Variants in ANXA3 observed in about 807,000 individuals in gnomAD.
ANXA3 encodes the protein 35-alpha calcimedin.
ANXA3 carries 46 observed loss-of-function variants against 48.8 expected under a neutral mutation model. The ratio of observed to expected loss-of-function variants is 0.94; its 90% CI spans 0.74 to 1.21. The LOEUF (loss-of-function observed/expected upper bound fraction) is 1.21, where lower values mean the gene tolerates loss of function less well. ANXA3 is among the 50% of genes most tolerant of loss of function. ANXA3 has a pLI of 0.00. For synonymous variants in ANXA3, 128 were observed against 134.7 expected, an observed-to-expected ratio of 0.95 and a Z score of 0.35; for missense variants, 383 against 378.6, an observed-to-expected ratio of 1.01 and a Z score of -0.10.
At chr4:78,552,905 C>T (rs1006381332) in intron 1 of ANXA3, among the ~76,000 whole-genome samples, 7 of 152,064 alleles carry the variant, frequency 4.6e-5, no homozygotes, top group African/African-American at 1.5e-4. Context: ...TGTAGAGAAA[C>T]CTGTTTAGAA....
At chr4:78,597,206 A>G in intron 9 of ANXA3, 113 bp from the exon 10 acceptor site, 1 of 672,940 alleles carries the variant, frequency 1.5e-6, no homozygotes, top group South Asian at 1.8e-5. Context: ...TGGTTTAAAG[A>G]GGGAGTTTTT....
At chr4:78,586,218 T>C (rs1723172888) in intron 5 of ANXA3, 42 bp from the exon 6 acceptor site, 1 of 1,503,512 alleles carries the variant, frequency 6.7e-7, no homozygotes. Context: ...GAGATTAAGT[T>C]ATTTAAGTGT....
chr4:78,586,753 C>T (rs181728127), intron 6 of ANXA3, among the ~76,000 whole-genome samples: 1 of 152,180 alleles, frequency 6.6e-6, no homozygotes, highest in Non-Finnish European at 1.5e-5. Context: ...ATGTGTTGAG[C>T]ATAAGGATTC....
chr4:78,602,270 G>A (rs1253794823), intron 11 of ANXA3: 2 of 150,064 alleles, frequency 1.3e-5, no homozygotes, highest in Admixed American at 6.6e-5. Context: ...AAAATGAGAA[G>A]GTAAAAATAT....
At chr4:78,600,171 T>G (rs1366724098) in intron 10 of ANXA3, among the ~76,000 whole-genome samples, 1 of 151,966 alleles carries the variant, frequency 6.6e-6, no homozygotes, top group Admixed American at 6.6e-5. Flanking sequence ...CTGATGGAAG[T>G]GTGGTCAAGA....
chr4:78,595,073 GT>G (rs1340437584), intron 7 of ANXA3, among the ~76,000 whole-genome samples: 5 of 152,214 alleles, frequency 3.3e-5, no homozygotes, highest in African/African-American at 1.2e-4. Context: ...GGAGTTCAAG[GT>G]TATAGTGAGC....
intron 2 of ANXA3, among the ~76,000 whole-genome samples, chr4:78,564,803 G>C (rs1722696213): frequency 6.6e-6 from 1 of 152,126 alleles, no homozygotes; most frequent in African/African-American, 2.4e-5. Flanking sequence ...GTGGGAAAGA[G>C]TTCATTGTAT....
chr4:78,601,672 T>C, intron 11 of ANXA3, 104 bp downstream of exon 11: 1 of 938,308 alleles, frequency 1.1e-6, no homozygotes, highest in South Asian at 1.6e-5. Flanking sequence ...TTTAATGTAA[T>C]TTAAACATTT....
At position 78,565,694 on chromosome 4, in the gene ANXA3, G is replaced by T. The variant is rs572501928; in HGVS notation, c.16-7486G>T. ...TGTGACCTTGGCGAGTGTCTTAACC[G>T]CTCTGGACCCTCTTTTTTCTCCTCT... On this transcript the variant is annotated intron_variant, in intron 2 of 12. Transcript: ENST00000264908. Among the ~76,000 whole-genome samples the T allele has an allele frequency of 3.4e-4, 52 of 152,264 alleles. 1 individual carries two copies. The highest frequency in any genetic ancestry group is 1.2e-3 in the African/African-American group (49 of 41,546).
intron 12 of ANXA3, among the ~76,000 whole-genome samples, chr4:78,605,789 T>C (rs141532611): frequency 1.1e-3 from 165 of 152,340 alleles, no homozygotes; most frequent in African/African-American, 3.6e-3. Flanking sequence ...AAATTACAAA[T>C]TATTTGAATT....
At chr4:78,595,993 T>A (rs1723417885) in intron 9 of ANXA3, 106 bp downstream of exon 9, 1 of 710,072 alleles carries the variant, frequency 1.4e-6, no homozygotes, top group Non-Finnish European at 2.4e-6. Flanking sequence ...TTGCGAAGTC[T>A]GTTCCAGTTA....
intron 5 of ANXA3, among the ~76,000 whole-genome samples, chr4:78,585,995 A>G (rs965353224): frequency 6.6e-6 from 1 of 152,236 alleles, no homozygotes; most frequent in Non-Finnish European, 1.5e-5. Context: ...CTTGAATGAC[A>G]CAGGCTTTTT....
chr4:78,560,898 CA>C (rs753396737), intron 2 of ANXA3, among the ~76,000 whole-genome samples: 2 of 152,134 alleles, frequency 1.3e-5, no homozygotes, highest in Non-Finnish European at 2.9e-5. Flanking sequence ...CACATTAAGG[CA>C]CACAGTTTCC....
intron 2 of ANXA3, among the ~76,000 whole-genome samples, chr4:78,568,340 T>C (rs571265487): frequency 6.6e-6 from 1 of 152,364 alleles, no homozygotes; most frequent in East Asian, 1.9e-4. Context: ...TTTTTCCTTG[T>C]ATCATAAAGC....
At chr4:78,585,146 T>A (rs1723145879) in intron 5 of ANXA3, among the ~76,000 whole-genome samples, 1 of 152,226 alleles carries the variant, frequency 6.6e-6, no homozygotes, top group South Asian at 2.1e-4. Context: ...CTGATTCTCT[T>A]GAAGTGAAAT....
intron 7 of ANXA3, among the ~76,000 whole-genome samples, chr4:78,591,839 T>C (rs1723303852): frequency 6.6e-6 from 1 of 152,182 alleles, no homozygotes; most frequent in Non-Finnish European, 1.5e-5. Flanking sequence ...AGAAAACTTA[T>C]TTGAGTCAGT....
intron 7 of ANXA3, among the ~76,000 whole-genome samples, chr4:78,594,459 G>A (rs1020742016): frequency 5.3e-5 from 8 of 152,334 alleles, no homozygotes; most frequent in African/African-American, 9.6e-5. Context: ...AAAAACTGCA[G>A]AACTGTCTTC....
At chr4:78,590,749 C>T (rs529744532) in intron 6 of ANXA3, among the ~76,000 whole-genome samples, 3 of 148,312 alleles carry the variant, frequency 2.0e-5, no homozygotes, top group East Asian at 1.9e-4. Context: ...TTGGGAGATA[C>T]GAAAAAATAT....
At chr4:78,592,611 C>G (rs1257480787) in intron 7 of ANXA3, among the ~76,000 whole-genome samples, 1 of 152,118 alleles carries the variant, frequency 6.6e-6, no homozygotes, top group African/African-American at 2.4e-5. Context: ...GGACAGGGTT[C>G]TAGAATCAAA....
Sources: allele counts gnomAD v4.1 joint callset (sites outside exome capture counted in the v4.1 genomes callset), GRCh38; gene constraint gnomAD v4.1.1; transcripts MANE v1.5; gene names NCBI Gene and HGNC (gene_info 2026-07-23, HGNC 2026-07-21).